The following TMEM232 variants were observed in gnomAD, a reference collection of about 807,000 sequenced individuals.
TMEM232 encodes the protein transmembrane protein 232.
Under a neutral mutation model 78.8 loss-of-function variants are expected in TMEM232, and 80 were observed. The ratio of observed to expected loss-of-function variants is 1.01; its 90% confidence interval spans 0.85 to 1.22. TMEM232 has a LOEUF of 1.22. TMEM232 is among the 50% of genes most tolerant of loss of function. TMEM232 has a pLI of 0.00. For missense variants in TMEM232, 881 were observed against 742.2 expected, an observed-to-expected ratio of 1.19 and a Z score of -2.17; for synonymous variants, 297 against 254.3, an observed-to-expected ratio of 1.17 and a Z score of -1.60.
chr5:110,502,703 A>G (rs1295016884), intron 12 of TMEM232, among the ~76,000 whole-genome samples: 1 of 152,152 alleles, frequency 6.6e-6, no homozygotes, highest in Non-Finnish European at 1.5e-5. Flanking sequence ...ACTACCCGGT[A>G]GCCACATTGC....
downstream of TMEM232, among the ~76,000 whole-genome samples, chr5:110,419,479 AAAATTAGTTGCC>A (rs1438019913): frequency 5.3e-5 from 8 of 152,294 alleles, no homozygotes; most frequent in South Asian, 1.4e-3. Flanking sequence ...ATGCTATTAA[AAAATTAGTTGCC>A]AACATTTGGT....
chr5:110,462,430 A>G (rs1385385062), intron 12 of TMEM232, among the ~76,000 whole-genome samples: 1 of 152,206 alleles, frequency 6.6e-6, no homozygotes, highest in Non-Finnish European at 1.5e-5. Context: ...GGCACCATCT[A>G]ATCAGCTGCC....
chr5:110,506,723 C>T (rs1021472879), intron 12 of TMEM232, among the ~76,000 whole-genome samples: 1 of 152,138 alleles, frequency 6.6e-6, no homozygotes, highest in East Asian at 1.9e-4. Flanking sequence ...TGAATCATTT[C>T]CATTTCTGAT....
chr5:110,413,016 G>A (rs568041972), intron 2 of TMEM232, among the ~76,000 whole-genome samples: 5 of 152,226 alleles, frequency 3.3e-5, no homozygotes, highest in Admixed American at 6.5e-5. Flanking sequence ...ATTTAATAAT[G>A]AGTGTCAACT....
chr5:110,403,845 A>G (rs1318432130), intron 2 of TMEM232, among the ~76,000 whole-genome samples: 2 of 151,892 alleles, frequency 1.3e-5, no homozygotes, highest in African/African-American at 4.8e-5. Context: ...GGTGGGGAGC[A>G]ATGTGAGGAG....
chr5:110,633,313 G>T (rs1432875150), intron 5 of TMEM232, among the ~76,000 whole-genome samples: 1 of 152,038 alleles, frequency 6.6e-6, no homozygotes, highest in East Asian at 1.9e-4. Flanking sequence ...CATGGGTAAA[G>T]CAAAGACACA....
intron 2 of TMEM232, among the ~76,000 whole-genome samples, chr5:110,652,559 C>T (rs116248498): frequency 7.5e-4 from 114 of 152,124 alleles, no homozygotes; most frequent in Middle Eastern, 3.4e-3. Context: ...TCATTGAAAA[C>T]ATGGAAAGCT....
intron 11 of TMEM232, among the ~76,000 whole-genome samples, chr5:110,534,373 C>T (rs1009455113): frequency 2.6e-5 from 4 of 152,224 alleles, no homozygotes; most frequent in African/African-American, 9.6e-5. Context: ...ACACACCTCA[C>T]CAAGCTCAGC....
chr5:110,555,223 A>AT (rs1255007756), intron 11 of TMEM232, among the ~76,000 whole-genome samples: 1 of 152,096 alleles, frequency 6.6e-6, no homozygotes, highest in Non-Finnish European at 1.5e-5. Context: ...CTTTGTTTTC[A>AT]TAAGTCTTGA....
intron 3 of TMEM232, among the ~76,000 whole-genome samples, chr5:110,395,795 G>C (rs1489155066): frequency 6.6e-6 from 1 of 152,080 alleles, no homozygotes; most frequent in Non-Finnish European, 1.5e-5. Context: ...TACGTACATG[G>C]GAGTTGTCTG....
chr5:110,533,527 C>G (rs1189734732), intron 11 of TMEM232, among the ~76,000 whole-genome samples: 3 of 152,200 alleles, frequency 2.0e-5, no homozygotes, highest in African/African-American at 7.2e-5. Context: ...CTAAAAATCA[C>G]AAACTATGCT....
chr5:110,401,134 GT>G (rs2112569097), intron 2 of TMEM232, among the ~76,000 whole-genome samples: 1 of 152,146 alleles, frequency 6.6e-6, no homozygotes, highest in East Asian at 1.9e-4. Flanking sequence ...AGCCACGGTA[GT>G]TTGACTAATG....
intron 12 of TMEM232, among the ~76,000 whole-genome samples, chr5:110,519,772 T>C (rs988401985): frequency 6.6e-5 from 10 of 151,888 alleles, no homozygotes; most frequent in South Asian, 4.2e-4. Context: ...ATATACACAA[T>C]GTAATATTAT....
At chr5:110,459,471 C>T (rs73220738) in intron 12 of TMEM232, among the ~76,000 whole-genome samples, 4,545 of 152,100 alleles carry the variant, frequency 0.03, 240 homozygotes, top group African/African-American at 0.1. Flanking sequence ...ATTATGAGAG[C>T]ATGCCTATAG....
chr5:110,556,238 T>C (rs1450073225), intron 11 of TMEM232, among the ~76,000 whole-genome samples: 2 of 152,156 alleles, frequency 1.3e-5, no homozygotes, highest in Non-Finnish European at 2.9e-5. Flanking sequence ...CCTTCACTTA[T>C]GAAGATTAGT....
chr5:110,656,523 C>T (rs567169025), intron 2 of TMEM232, among the ~76,000 whole-genome samples: 109 of 152,196 alleles, frequency 7.2e-4, no homozygotes, highest in African/African-American at 2.5e-3. Context: ...TGTACATCCA[C>T]AGAAATATCA....
chr5:110,714,093 C>A lies in TMEM232; in HGVS notation c.-13+12534G>T, dbSNP rs138373885. 6.5e-3 allele frequency among the ~76,000 whole-genome samples: 993 copies of A among 152,254 alleles called. 6 individuals are homozygous for A. The highest frequency in any genetic ancestry group is 8.6e-3 in the Non-Finnish European group (584 of 68,008). On this transcript the variant is annotated intron_variant, in intron 1 of 13. Coordinates refer to ENST00000455884, the MANE Select transcript of TMEM232 (RefSeq NM_001039763.4). ...GAGTGTGACTACACCCCTCACCCTG[C>A]CATGGACTCTTGGGTCTCCTTTTAC...
At chr5:110,671,844 T>C (rs1020591241) in intron 1 of TMEM232, among the ~76,000 whole-genome samples, 4 of 152,250 alleles carry the variant, frequency 2.6e-5, no homozygotes, top group African/African-American at 4.8e-5. Context: ...TACATACCTA[T>C]GTAACAAACT....
At chr5:110,561,248 T>C (rs1185532599) in intron 11 of TMEM232, among the ~76,000 whole-genome samples, 2 of 152,022 alleles carry the variant, frequency 1.3e-5, no homozygotes, top group Non-Finnish European at 2.9e-5. Flanking sequence ...ACAAAAGAGT[T>C]TGAATTCAAG....
Sources: allele counts gnomAD v4.1 joint callset (sites outside exome capture counted in the v4.1 genomes callset), GRCh38; gene constraint gnomAD v4.1.1; transcripts MANE v1.5; gene names NCBI Gene and HGNC (gene_info 2026-07-23, HGNC 2026-07-21).